The following NUAK1 variants were observed in gnomAD, a reference collection of about 807,000 sequenced individuals.
The protein encoded by NUAK1 is NUAK family SNF1-like kinase 1.
NUAK1 carries 26 observed loss-of-function variants against 56.9 expected under a neutral mutation model. The observed-to-expected ratio is 0.46, with a 90% CI of 0.33 to 0.63. The LOEUF (loss-of-function observed/expected upper bound fraction) is 0.63, where lower values mean the gene tolerates loss of function less well. Ranked by LOEUF, NUAK1 falls within the 30% of genes least tolerant of loss-of-function variation. NUAK1 has a pLI of 0.02. For synonymous variants in NUAK1, 337 were observed against 336.0 expected, an observed-to-expected ratio of 1.00 and a Z score of -0.03; for missense variants, 727 against 876.1, an observed-to-expected ratio of 0.83 and a Z score of 2.15.
chr12:106,126,068 C>T (rs183165031), intron 1 of NUAK1, among the ~76,000 whole-genome samples: 10 of 151,884 alleles, frequency 6.6e-5, no homozygotes, highest in East Asian at 1.9e-4. Flanking sequence ...GGCTGCCTAA[C>T]GGATGTGTTT....
intron 4 of NUAK1, 138 bp from the exon 5 acceptor site, chr12:106,072,981 T>G: frequency 1.1e-6 from 1 of 900,056 alleles, no homozygotes; most frequent in Non-Finnish European, 1.7e-6. Flanking sequence ...CCATTTTCTC[T>G]CCAGCCCTGA....
intron 4 of NUAK1, among the ~76,000 whole-genome samples, chr12:106,080,427 G>T (rs939064762): frequency 6.6e-6 from 1 of 152,162 alleles, no homozygotes; most frequent in African/African-American, 2.4e-5. Flanking sequence ...TGTGAATTTG[G>T]CCCGTTTTTT....
rs73193871 is a variant in NUAK1 at position 106,134,268 on chromosome 12, G to A, written c.240+4146C>T. 1.0e-2 allele frequency among the ~76,000 whole-genome samples: 1,517 copies of A among 152,332 alleles called. 7 individuals are homozygous for A. Among genetic ancestry groups the A allele is most frequent in the Non-Finnish European group, 0.015 (1,019 of 68,030 alleles). ...GCTGCAACATGGCACTTCTGCCACC[G>A]TGCATGTGACGTCAACACACCTCCT... On this transcript the variant is annotated intron_variant, in intron 1 of 6. Transcript: ENST00000261402.
At chr12:106,087,345 CA>C (rs1272339058) in intron 2 of NUAK1, among the ~76,000 whole-genome samples, 1 of 152,200 alleles carries the variant, frequency 6.6e-6, no homozygotes, top group Non-Finnish European at 1.5e-5. Flanking sequence ...CCATCTCAGG[CA>C]AATAAAACCC....
chr12:106,102,935 G>A (rs2032763327), intron 2 of NUAK1, among the ~76,000 whole-genome samples: 1 of 152,166 alleles, frequency 6.6e-6, no homozygotes, highest in Non-Finnish European at 1.5e-5. Flanking sequence ...GGCCTTGATA[G>A]AAATTATTTC....
intron 2 of NUAK1, among the ~76,000 whole-genome samples, chr12:106,092,915 C>T (rs561075579): frequency 1.3e-5 from 2 of 152,128 alleles, no homozygotes; most frequent in Admixed American, 1.3e-4. Flanking sequence ...TGGAGCCAAA[C>T]TTACTGATTT....
intron 4 of NUAK1, among the ~76,000 whole-genome samples, chr12:106,073,081 A>G (rs3741886): frequency 6.6e-6 from 1 of 152,120 alleles, no homozygotes; most frequent in Non-Finnish European, 1.5e-5. Flanking sequence ...AAATCTGCAG[A>G]CTACAAGCTC....
intron 1 of NUAK1, among the ~76,000 whole-genome samples, chr12:106,127,810 C>T (rs2033037803): frequency 6.6e-6 from 1 of 152,120 alleles, no homozygotes; most frequent in East Asian, 1.9e-4. Context: ...GTCTCAGGCC[C>T]TCAATTTACA....
chr12:106,118,207 C>T lies in NUAK1; in HGVS notation c.241-11682G>A, dbSNP rs150450558. Among the ~76,000 whole-genome samples the T allele has an allele frequency of 8.0e-4, 122 of 152,170 alleles. 1 individual carries two copies. The highest frequency in any genetic ancestry group is 2.8e-3 in the African/African-American group (116 of 41,526). ...AATGTCATCCCACTTCATTTTATTG[C>T]CCCCACCACCACCCCATGAGATAAG... On this transcript the variant is annotated intron_variant, in intron 1 of 6. Transcript: ENST00000261402.
At position 106,063,524 on chromosome 12, in the gene NUAK1, G is replaced by A. The variant is rs774427844; in HGVS notation, c.*3278C>T. ...TGAGTGAAAACCAATTTTGACAGGAGCCATAAAGCATGTTGCACCAATTAA... is the reference window on the plus strand; with the variant it reads ...TGAGTGAAAACCAATTTTGACAGGAACCATAAAGCATGTTGCACCAATTAA... On this transcript the variant is annotated 3_prime_UTR_variant, in exon 7 of 7. Coordinates refer to ENST00000261402, the MANE Select transcript of NUAK1 (RefSeq NM_014840.3). 6.6e-6 allele frequency: 1 copy of A among 152,414 alleles called. No individual in the cohort carries two copies. Among genetic ancestry groups the A allele is most frequent in the Non-Finnish European group, 1.5e-5 (1 of 68,038 alleles). The allele number at this position is 152,414 out of a possible 1,614,324, so 9.4% of individuals were successfully genotyped here. A position where few individuals can be genotyped will look rare whatever the true frequency, so the allele number is the denominator to read the frequency against.
At position 106,083,909 on chromosome 12, in the gene NUAK1, G is replaced by A; in HGVS notation, c.534C>T (p.Asp178=). Residue 178 remains aspartate (D), a synonymous_variant, in exon 4 of 7, where the codon GAC becomes GAT. Coordinates refer to ENST00000261402, the MANE Select transcript of NUAK1 (RefSeq NM_014840.3). The part of the protein sequence containing the change: ...YCHKNGVVHR[D]LKLENILLDD... ...CGAGCAGTATATTTTCCAGCTTCAAGTCCCGGTGGACCACACCGTTCTGAA... is the reference window on the plus strand; with the variant it reads ...CGAGCAGTATATTTTCCAGCTTCAAATCCCGGTGGACCACACCGTTCTGAA... 12 of 1,614,112 alleles carry A rather than the reference G, an allele frequency of 7.4e-6. No homozygotes were observed. The highest frequency in any genetic ancestry group is 1.0e-5 in the Non-Finnish European group (12 of 1,179,978).
intron 2 of NUAK1, among the ~76,000 whole-genome samples, chr12:106,098,449 G>A (rs578180651): frequency 1.1e-4 from 17 of 152,206 alleles, no homozygotes; most frequent in Non-Finnish European, 2.4e-4. Flanking sequence ...TCCAACGGAT[G>A]AGAGATCACA....
At chr12:106,093,609 AGATCC>A (rs2032659301) in intron 2 of NUAK1, among the ~76,000 whole-genome samples, 1 of 152,218 alleles carries the variant, frequency 6.6e-6, no homozygotes, top group Non-Finnish European at 1.5e-5. Context: ...ATGAGTGAGG[AGATCC>A]TGGGATTTTA....
intron 2 of NUAK1, among the ~76,000 whole-genome samples, chr12:106,088,962 G>A (rs1474571749): frequency 6.6e-6 from 1 of 152,204 alleles, no homozygotes; most frequent in Non-Finnish European, 1.5e-5. Context: ...GTAGGGAGGA[G>A]GAGGAGGAGA....
Position 106,086,723 on chromosome 12 carries a change from C to T in NUAK1, c.513+11G>A, listed in dbSNP as rs375228458. 174 of 1,599,210 alleles carry T rather than the reference C, an allele frequency of 1.1e-4. No homozygotes were observed. Among genetic ancestry groups the T allele is most frequent in the Non-Finnish European group, 1.4e-4 (167 of 1,168,262 alleles). ...TCTACGGCCAAAGCTGCGGGCCAGGCGCAGCCATACCTTGTGACAATAGTG... is the reference window on the plus strand; with the variant it reads ...TCTACGGCCAAAGCTGCGGGCCAGGTGCAGCCATACCTTGTGACAATAGTG... On this transcript the variant is annotated intron_variant, in intron 3 of 6. Coordinates refer to ENST00000261402, the MANE Select transcript of NUAK1 (RefSeq NM_014840.3).
At chr12:106,103,300 G>C (rs755106518) in intron 2 of NUAK1, 1 of 152,172 alleles carries the variant, frequency 6.6e-6, no homozygotes, top group Non-Finnish European at 1.5e-5. Context: ...GATAAAGAAG[G>C]CTCCTGCTCT....
intron 1 of NUAK1, among the ~76,000 whole-genome samples, chr12:106,115,879 TG>T (rs1239685008): frequency 6.6e-6 from 1 of 152,160 alleles, no homozygotes; most frequent in East Asian, 1.9e-4. Context: ...TGCCCTGGGT[TG>T]GGGAGTGTGC....
intron 2 of NUAK1, among the ~76,000 whole-genome samples, chr12:106,094,251 G>A (rs1210488621): frequency 6.6e-6 from 1 of 152,152 alleles, no homozygotes; most frequent in African/African-American, 2.4e-5. Context: ...TGCCTCCCTA[G>A]GCAGCAGCAT....
At chr12:106,115,791 G>A (rs1237760718) in intron 1 of NUAK1, among the ~76,000 whole-genome samples, 1 of 152,108 alleles carries the variant, frequency 6.6e-6, no homozygotes, top group Non-Finnish European at 1.5e-5. Flanking sequence ...GATGAGCCTC[G>A]CCCAGTACTC....
Sources: allele counts gnomAD v4.1 joint callset (sites outside exome capture counted in the v4.1 genomes callset), GRCh38; gene constraint gnomAD v4.1.1; transcripts MANE v1.5; gene names NCBI Gene and HGNC (gene_info 2026-07-23, HGNC 2026-07-21).